The following DBN1 variants were observed in gnomAD, a reference collection of about 807,000 sequenced individuals.
DBN1 encodes the protein drebrin.
DBN1 carries 21 observed loss-of-function variants against 83.5 expected under a neutral mutation model. That is an observed-to-expected ratio of 0.25 (90% CI 0.18 to 0.36). The LOEUF is 0.36. DBN1 is among the 10% of genes least tolerant of loss of function. The pLI is 1.00. For missense variants in DBN1, 874 were observed against 935.7 expected (o/e 0.93, Z 0.86); for synonymous variants, 381 against 384.9 (o/e 0.99, Z 0.12).
At chr5:177,472,305 C>T (rs747224918) in intron 1 of DBN1, 2 of 1,560,826 alleles carry the variant, frequency 1.3e-6, no homozygotes, top group Non-Finnish European at 8.6e-7. Context: ...GTCCCTCAGA[C>T]CTGCCCTCCT....
chr5:177,460,377 C>T (rs1450308224), intron 10 of DBN1, 55 bp downstream of exon 10: 5 of 1,611,248 alleles, frequency 3.1e-6, no homozygotes, highest in Non-Finnish European at 4.2e-6. Context: ...CCCAGAGAGG[C>T]TCAGGGCCGC....
Position 177,473,525 on chromosome 5 carries a change from T to TCGGGCCGGAC in DBN1, c.-14_-5dup, listed in dbSNP as rs1337847651. Reference sequence around the variant, plus strand: ...CGCTGAAGCTGACGCCGGCCATGCTTCGGGCCGGACCGGGCCGAACGGACA... The same window carrying TCGGGCCGGAC: ...CGCTGAAGCTGACGCCGGCCATGCTTCGGGCCGGACCGGGCCGGACCGGGCCGAACGGACA... On this transcript the variant is annotated 5_prime_UTR_variant, in exon 1 of 15. Transcript: ENST00000393565. 7.1e-7 allele frequency: 1 copy of TCGGGCCGGAC among 1,412,418 alleles called. No homozygotes were observed. The highest frequency in any genetic ancestry group is 1.4e-5 in the South Asian group (1 of 71,252). The allele number at this position is 1,412,418 out of a possible 1,614,324, so 87.5% of individuals were successfully genotyped here.
At position 177,467,502 on chromosome 5, in the gene DBN1, C is replaced by T; in HGVS notation, c.456G>A (p.Glu152=). 1 of 1,580,904 alleles carries T rather than the reference C, an allele frequency of 6.3e-7. No homozygotes were observed. Among genetic ancestry groups the T allele is most frequent in the Non-Finnish European group, 8.6e-7 (1 of 1,162,902 alleles). ...SPVLHRLRLR[E]DENAEPVGTT... is the part of the protein sequence containing the mutation. ...TAACCACGGGCTCTGCGTTCTCATC[C>T]TCTCGCAGCCGCAGTCGGTGCAGCA... Residue 152 remains glutamate, a synonymous_variant, in exon 5 of 15, where the codon GAG becomes GAA. Transcript: ENST00000393565. This position sits in a 1 kb window ranked among gnomAD's most constrained non-coding sequence, Gnocchi z 9.1.
intron 8 of DBN1, among the ~76,000 whole-genome samples, chr5:177,463,577 G>A (rs1333764084): frequency 1.3e-5 from 2 of 152,236 alleles, no homozygotes; most frequent in Admixed American, 1.3e-4. Flanking sequence ...GCATTTCACA[G>A]TGCTAAATCC....
chr5:177,464,465 A>C (rs1757267666), intron 8 of DBN1, among the ~76,000 whole-genome samples: 1 of 151,180 alleles, frequency 6.6e-6, no homozygotes, highest in Non-Finnish European at 1.5e-5. Context: ...AAAATAAATA[A>C]ATAAATAAAC....
chr5:177,459,118 G>T lies in DBN1; in HGVS notation c.1244C>A (p.Pro415Gln). 6.2e-7 allele frequency: 1 copy of T among 1,609,962 alleles called. No homozygotes were observed. Among genetic ancestry groups the T allele is most frequent in the Non-Finnish European group, 8.5e-7 (1 of 1,178,180 alleles). ...VTSSQPPPLP[P>Q]PPPPAQETQE... is the part of the protein sequence containing the mutation. ...CTCACCTTGGGCTGGTGGGGGTGGC[G>T]GTGGCAGTGGTGGAGGCTGCGAGGA... Residue 415 changes from proline (P) to glutamine (Q), a missense_variant, in exon 12 of 15, where the codon CCG becomes CAG. By Grantham distance (76) the Pro-to-Gln change is moderately conservative. This residue lies in a region of DBN1 where 725 missense variants were observed against 719.7 expected (regional missense o/e 1.01). Transcript: ENST00000393565.
Position 177,462,456 on chromosome 5 carries a change from C to A in DBN1, c.772-1753G>T, listed in dbSNP as rs897891724. 1.5e-5 allele frequency: 14 copies of A among 954,444 alleles called. No homozygotes were observed. The East Asian group carries it at 6.9e-4, about 47-fold the overall frequency. 59.1% of individuals were successfully genotyped at this position (954,444 alleles called of 1,614,324 possible). A position where few individuals can be genotyped will look rare whatever the true frequency, so the allele number is the denominator to read the frequency against. Reference sequence around the variant, plus strand: ...GTTCAGGTCATTTCCTCCTCTGGGTCCCCACAGGGTGCTCCTGGCTTCCAC... The same window carrying A: ...GTTCAGGTCATTTCCTCCTCTGGGTACCCACAGGGTGCTCCTGGCTTCCAC... On this transcript the variant is annotated intron_variant, in intron 8 of 14. Coordinates refer to ENST00000393565, the MANE Select transcript of DBN1 (RefSeq NM_001363541.2).
At chr5:177,473,119 T>G (rs1352685532) in intron 1 of DBN1, 2 of 150,080 alleles carry the variant, frequency 1.3e-5, no homozygotes, top group Admixed American at 1.3e-4. Context: ...GGGGGTAGGG[T>G]GGGGGATGGG....
chr5:177,457,595 C>T, intron 14 of DBN1, 60 bp downstream of exon 14: 1 of 1,525,614 alleles, frequency 6.6e-7, no homozygotes, highest in Non-Finnish European at 9.1e-7. Flanking sequence ...GGGGTGGCTA[C>T]CCACACTCAA....
At chr5:177,468,765 T>C in intron 2 of DBN1, 79 bp downstream of exon 2, 1 of 1,025,020 alleles carries the variant, frequency 9.8e-7, no homozygotes, top group Non-Finnish European at 1.3e-6. Context: ...GGAGGTGGCC[T>C]ACAGCCAGGT....
At chr5:177,472,100 G>A (rs751924540) in intron 1 of DBN1, 66 of 1,599,286 alleles carry the variant, frequency 4.1e-5, no homozygotes, top group Non-Finnish European at 5.5e-5. Context: ...AGCCTGTGCC[G>A]GCCTCTCCTG....
Position 177,458,421 on chromosome 5 carries a change from G to A in DBN1, c.1551C>T (p.Ala517=), listed in dbSNP as rs763901915. The A allele has an allele frequency of 1.1e-5, 18 of 1,614,094 alleles. No homozygotes were observed. Among genetic ancestry groups the A allele is most frequent in the Non-Finnish European group, 1.1e-5 (13 of 1,180,022 alleles). ...GCCATAGGTCAATGAGGCTGGTGGC[G>A]GCGGGGGGTACGTTGTTGGCAACAG... ...DTTVANNVPP[A]ATSLIDLWPG... The change falls in exon 13 of 15, where the codon GCC becomes GCT. Residue 517 remains alanine, a synonymous_variant. Transcript: ENST00000393565.
chr5:177,466,717 G>C lies in DBN1; in HGVS notation c.771+55C>G. The C allele has an allele frequency of 6.3e-7, 1 of 1,593,878 alleles. No individual in the cohort carries two copies. The highest frequency in any genetic ancestry group is 8.6e-7 in the Non-Finnish European group (1 of 1,161,570). On this transcript the variant is annotated intron_variant, in intron 8 of 14. Transcript: ENST00000393565. The surrounding 1 kb of genome is among the most constrained non-coding windows in gnomAD (Gnocchi z 4.8). Reference sequence around the variant, plus strand: ...TCTCCCCACAAGGCCCAGGAACACAGGGACCATTCTCACTTCCCTGACCCA... The same window carrying C: ...TCTCCCCACAAGGCCCAGGAACACACGGACCATTCTCACTTCCCTGACCCA...
rs996849435 is a variant in DBN1 at position 177,459,535 on chromosome 5, G to A, written c.1093+68C>T. 4 of 1,432,172 alleles carry A rather than the reference G, an allele frequency of 2.8e-6. No individual in the cohort carries two copies. In the African/African-American group the frequency reaches 4.4e-5, roughly 16 times the overall value. The allele number at this position is 1,432,172 out of a possible 1,614,324, so 88.7% of individuals were successfully genotyped here. ...ATCAGCGGTCAGACTGGGGGAGTGA[G>A]GGCGGGGGGCTGCTGGGAAGCGGGG... On this transcript the variant is annotated intron_variant, in intron 11 of 14. Transcript: ENST00000393565.
chr5:177,458,822 G>A, intron 12 of DBN1, 115 bp from the exon 13 acceptor site: 1 of 1,160,852 alleles, frequency 8.6e-7, no homozygotes, highest in South Asian at 1.7e-5. Context: ...GTGTCCCACT[G>A]CCCCCTTACC....
At chr5:177,470,239 C>T (rs1384338734) in intron 1 of DBN1, among the ~76,000 whole-genome samples, 1 of 152,192 alleles carries the variant, frequency 6.6e-6, no homozygotes, top group Non-Finnish European at 1.5e-5. Context: ...AGCTGGCCCA[C>T]CACCTGTCCT....
intron 14 of DBN1, 43 bp from the exon 15 acceptor site, chr5:177,457,546 C>G (rs778252279): frequency 1.9e-6 from 3 of 1,592,954 alleles, no homozygotes; most frequent in Non-Finnish European, 2.6e-6. Flanking sequence ...CCTAGCAGAC[C>G]GCTTGTGTCC....
rs973215039 is a variant in DBN1 at position 177,467,152 on chromosome 5, C to T, written c.556-90G>A. On this transcript the variant is annotated intron_variant, in intron 6 of 14. Transcript: ENST00000393565. The surrounding 1 kb of genome is among the most constrained non-coding windows in gnomAD (Gnocchi z 9.1). ...CCCCTCCCTAACCCAGCGCTGGGGG[C>T]GGGGCACGTGGCATGGGCCATGCCA... The T allele has an allele frequency of 1.0e-5, 16 of 1,602,870 alleles. No homozygotes were observed. Among genetic ancestry groups the T allele is most frequent in the African/African-American group, 5.4e-5 (4 of 74,628 alleles).
chr5:177,457,624 A>C, intron 14 of DBN1, 31 bp downstream of exon 14: 1 of 1,547,220 alleles, frequency 6.5e-7, no homozygotes, highest in Non-Finnish European at 8.9e-7. Context: ...CCCGCACCCA[A>C]ATTCCTCCCC....
Sources: gnomAD v4.1 joint callset for allele counts (sites outside exome capture counted in the v4.1 genomes callset) on GRCh38, gnomAD v4.1.1 for gene constraint, gnomAD v4.1.1 regional missense constraint, Gnocchi (gnomAD v3.1) non-coding constraint, MANE v1.5 for transcripts, NCBI Gene and HGNC (gene_info 2026-07-23, HGNC 2026-07-21) for gene names.